TAS2R1: variants seen among roughly 807,000 people sequenced by gnomAD.
The protein encoded by TAS2R1 is taste 2 receptor member 1.
For missense variants in TAS2R1, 370 were observed against 353.4 expected (o/e 1.05, Z -0.38); for synonymous variants, 141 against 134.2 (o/e 1.05, Z -0.35).
At chr5:9,752,555 CA>C in the TAS2R1 span, among the ~76,000 whole-genome samples, 5 of 137,440 alleles carry the variant, frequency 3.6e-5, no homozygotes, top group Admixed American at 7.3e-5. Context: ...GCAAATATAT[CA>C]TTTTTTTTAT....
chr5:9,704,042 T>C (rs1741548055), intron 1 of TAS2R1, among the ~76,000 whole-genome samples: 1 of 152,190 alleles, frequency 6.6e-6, no homozygotes, highest in South Asian at 2.1e-4. Context: ...ATCCCTAGTC[T>C]AGAAAATTTT....
chr5:9,791,921 T>C, the TAS2R1 span, among the ~76,000 whole-genome samples: 1 of 152,168 alleles, frequency 6.6e-6, no homozygotes, highest in Admixed American at 6.5e-5. Flanking sequence ...CCGAATCTTC[T>C]TCACCGTCAA....
At chr5:9,746,766 G>T in the TAS2R1 span, among the ~76,000 whole-genome samples, 1 of 152,162 alleles carries the variant, frequency 6.6e-6, no homozygotes, top group African/African-American at 2.4e-5. Context: ...AGGCCCATCA[G>T]TGGGTGGGAG....
the TAS2R1 span, among the ~76,000 whole-genome samples, chr5:9,859,735 C>T: frequency 2.0e-5 from 3 of 152,292 alleles, no homozygotes; most frequent in South Asian, 6.2e-4. Flanking sequence ...ATTACTCCAG[C>T]TATCGTCAAC....
chr5:9,886,355 A>G, the TAS2R1 span, among the ~76,000 whole-genome samples: 2 of 43,426 alleles, frequency 4.6e-5, no homozygotes, highest in Admixed American at 3.8e-4. Flanking sequence ...TTTTTTTTTG[A>G]GACGAGTCTC....
intron 2 of TAS2R1, among the ~76,000 whole-genome samples, chr5:9,640,058 T>C (rs1347586571): frequency 6.6e-6 from 1 of 152,174 alleles, no homozygotes; most frequent in African/African-American, 2.4e-5. Flanking sequence ...CCTTTCTCAC[T>C]AAGATTAACC....
At chr5:9,721,184 C>G in the TAS2R1 span, among the ~76,000 whole-genome samples, 1 of 152,212 alleles carries the variant, frequency 6.6e-6, no homozygotes. Context: ...CATAGTCTAT[C>G]TTTGAGGGTT....
chr5:9,732,550 G>C, the TAS2R1 span, among the ~76,000 whole-genome samples: 4 of 152,144 alleles, frequency 2.6e-5, no homozygotes, highest in Non-Finnish European at 5.9e-5. Context: ...AGGAGGCCAG[G>C]GTGTCCTTAG....
chr5:9,629,900 C>T lies in TAS2R1; in HGVS notation c.133G>A (p.Asp45Asn). The T allele has an allele frequency of 1.2e-6, 2 of 1,614,040 alleles. No homozygotes were observed. The highest frequency in any genetic ancestry group is 2.2e-5 in the East Asian group (1 of 44,880). ...LIKHRKMAPL[D>N]LLLSCLAVSR... ...ACTGCCAGACAAGAAAGAAGGAGAT[C>T]CAGCGGAGCCATTTTTCTGTGCTTG... The change falls in exon 1 of 1, where the codon GAT (aspartate) becomes AAT (asparagine). Residue 45 changes from aspartate (D) to asparagine (N), a missense_variant. By Grantham distance (23) the Asp-to-Asn change is conservative. Transcript: ENST00000382492.
At chr5:9,785,865 A>G in the TAS2R1 span, among the ~76,000 whole-genome samples, 3 of 152,158 alleles carry the variant, frequency 2.0e-5, no homozygotes, top group African/African-American at 4.8e-5. Context: ...GTTACACATC[A>G]TCTCATATGC....
the TAS2R1 span, among the ~76,000 whole-genome samples, chr5:9,739,705 A>G: frequency 6.6e-6 from 1 of 152,214 alleles, no homozygotes; most frequent in Non-Finnish European, 1.5e-5. Context: ...TTCAACGCTT[A>G]CGCTCTCTTT....
In TAS2R1 at chr5:9,629,687, T is replaced by C. The variant is rs773052561; in HGVS notation, c.346A>G (p.Ile116Val). The change falls in exon 1 of 1, where the codon ATC becomes GTC. Residue 116 changes from isoleucine to valine, a missense_variant. Transcript: ENST00000382492. ...TTGGATATCCTCATCTTCAACCAGATGAAGAGTGGGTGACGGACGCTGGCA... is the reference window on the plus strand; with the variant it reads ...TTGGATATCCTCATCTTCAACCAGACGAAGAGTGGGTGACGGACGCTGGCA... ...KVASVRHPLF[I>V]WLKMRISKLV... 1.2e-6 allele frequency: 2 copies of C among 1,614,076 alleles called. No individual in the cohort carries two copies. Among genetic ancestry groups the C allele is most frequent in the Non-Finnish European group, 8.5e-7 (1 of 1,180,030 alleles).
At chr5:9,703,766 C>A (rs1043457228) in intron 1 of TAS2R1, among the ~76,000 whole-genome samples, 3 of 152,196 alleles carry the variant, frequency 2.0e-5, no homozygotes, top group Admixed American at 6.5e-5. Context: ...TCTGTGCCTA[C>A]AACTGTCCTA....
chr5:9,792,194 C>T, the TAS2R1 span, among the ~76,000 whole-genome samples: 23 of 152,160 alleles, frequency 1.5e-4, no homozygotes, highest in Non-Finnish European at 2.9e-4. Context: ...ACCTATGCTC[C>T]CCAAGGCTCA....
intron 1 of TAS2R1, among the ~76,000 whole-genome samples, chr5:9,678,172 T>C (rs1391976534): frequency 1.3e-5 from 2 of 151,706 alleles, no homozygotes; most frequent in Non-Finnish European, 1.5e-5. Flanking sequence ...CTAACAAACA[T>C]ATGAAAAAAA....
At chr5:9,834,779 C>T in the TAS2R1 span, among the ~76,000 whole-genome samples, 2 of 151,290 alleles carry the variant, frequency 1.3e-5, no homozygotes, top group African/African-American at 2.4e-5. Context: ...ACCCACAAAC[C>T]TCTGCCCATC....
At chr5:9,797,680 AG>A in the TAS2R1 span, among the ~76,000 whole-genome samples, 1 of 152,144 alleles carries the variant, frequency 6.6e-6, no homozygotes, top group Non-Finnish European at 1.5e-5. Flanking sequence ...TGCCTAATAA[AG>A]GTTGTTGACG....
the TAS2R1 span, among the ~76,000 whole-genome samples, chr5:9,842,316 C>CTTTTT: frequency 1.9e-4 from 22 of 116,220 alleles, no homozygotes; most frequent in East Asian, 2.4e-4. Flanking sequence ...TTCTTTCTCT[C>CTTTTT]TTTTTTTTTT....
chr5:9,840,121 A>T, the TAS2R1 span, among the ~76,000 whole-genome samples: 1 of 152,166 alleles, frequency 6.6e-6, no homozygotes, highest in South Asian at 2.1e-4. Flanking sequence ...TTCCCTGGTG[A>T]GATTTTGCCA....
Sources: gnomAD v4.1 joint callset for allele counts (sites outside exome capture counted in the v4.1 genomes callset) on GRCh38, gnomAD v4.1.1 for gene constraint, MANE v1.5 for transcripts, NCBI Gene and HGNC (gene_info 2026-07-23, HGNC 2026-07-21) for gene names.